The following KCNN1 variants were observed in gnomAD, a reference collection of about 807,000 sequenced individuals.
The protein encoded by KCNN1 is potassium calcium-activated channel subfamily N member 1.
A neutral mutation model predicts 44.7 loss-of-function variants in KCNN1; 20 were observed. That is an observed-to-expected ratio of 0.45 (90% CI 0.32 to 0.65). The LOEUF (loss-of-function observed/expected upper bound fraction) is 0.65, where lower values mean the gene tolerates loss of function less well. KCNN1 is among the 30% of genes least tolerant of loss of function. The pLI, the probability that KCNN1 is intolerant of heterozygous loss-of-function variation, is 0.05. For missense variants in KCNN1, 632 were observed against 785.3 expected, an observed-to-expected ratio of 0.80 and a Z score of 2.33; for synonymous variants, 324 against 341.7, an observed-to-expected ratio of 0.95 and a Z score of 0.57.
rs1340801659 is a variant in KCNN1, at chr19:17,981,696, C to G, written c.499-13C>G. Reference sequence around the variant, plus strand: ...TCTGACACCCATGGCTGGTTCCCTCCCGCCCTCCACAGCTGTTCATGGTGG... The same window carrying G: ...TCTGACACCCATGGCTGGTTCCCTCGCGCCCTCCACAGCTGTTCATGGTGG... On this transcript the variant is annotated splice_polypyrimidine_tract_variant and intron_variant, in intron 3 of 9. Transcript: ENST00000684775. 6 of 1,558,870 alleles carry G rather than the reference C, an allele frequency of 3.8e-6. No individual in the cohort carries two copies. The highest frequency in any genetic ancestry group is 5.2e-6 in the Non-Finnish European group (6 of 1,145,554).
At chr19:17,986,471 G>A (rs1203837032) in intron 5 of KCNN1, among the ~76,000 whole-genome samples, 1 of 152,150 alleles carries the variant, frequency 6.6e-6, no homozygotes, top group Admixed American at 6.5e-5. Context: ...GTGACAGTGG[G>A]CGCAGGCAGC....
intron 5 of KCNN1, among the ~76,000 whole-genome samples, 172 bp downstream of exon 5, chr19:17,985,625 C>T (rs147199067): frequency 7.2e-5 from 11 of 152,218 alleles, no homozygotes; most frequent in East Asian, 1.9e-4. Flanking sequence ...TTTCCTCTGA[C>T]GTCACGTGGA....
In KCNN1 at chr19:17,993,680, G is replaced by T; in HGVS notation, c.1377+121G>T. On this transcript the variant is annotated intron_variant, in intron 9 of 9. Transcript: ENST00000684775. The surrounding 1 kb of genome is among the most constrained non-coding windows in gnomAD (Gnocchi z 4.5). ...CCCGCTGTGGGCTGAGTGCAGTGGC[G>T]GGCGGATCGCTTGAGCTCAGGAGTT... is the stretch of plus-strand genomic sequence containing the variant. 1.3e-6 allele frequency: 1 copy of T among 770,282 alleles called. No individual in the cohort carries two copies. Among genetic ancestry groups the T allele is most frequent in the Non-Finnish European group, 2.3e-6 (1 of 439,250 alleles). 47.7% of individuals were successfully genotyped at this position (770,282 alleles called of 1,614,324 possible). A position where few individuals can be genotyped will look rare whatever the true frequency, so the allele number is the denominator to read the frequency against.
rs1040460673 is a variant in KCNN1 at position 17,983,761 on chromosome 19, T to C, written c.918-1551T>C. 1.3e-5 allele frequency among the ~76,000 whole-genome samples: 2 copies of C among 151,588 alleles called. No individual in the cohort carries two copies. Among genetic ancestry groups the C allele is most frequent in the African/African-American group, 4.8e-5 (2 of 41,254 alleles). On this transcript the variant is annotated intron_variant, in intron 4 of 9. Transcript: ENST00000684775. This position sits in a 1 kb window ranked among gnomAD's most constrained non-coding sequence, Gnocchi z 4.5. Reference sequence around the variant, plus strand: ...CGCGGCACCCCCCACCATCGCTCCGTCTGGATCTGGGGCTCACCCACCCAC... The same window carrying C: ...CGCGGCACCCCCCACCATCGCTCCGCCTGGATCTGGGGCTCACCCACCCAC...
In KCNN1 at chr19:17,978,806, A is replaced by G. The variant is rs546647976; in HGVS notation, c.499-2903A>G. On this transcript the variant is annotated intron_variant, in intron 3 of 9. Transcript: ENST00000684775. The stretch of plus-strand genomic sequence containing the variant: ...ACAGTGACTCACGCCTGTAATCCCA[A>G]TACTTTGGAAGGCCGAGGCAGGAGG... 4.5e-4 allele frequency among the ~76,000 whole-genome samples: 68 copies of G among 150,650 alleles called. 2 individuals are homozygous for G. In the South Asian group the frequency reaches 0.014, roughly 31 times the overall value.
At chr19:17,996,766 G>A (rs894087719) in intron 9 of KCNN1, among the ~76,000 whole-genome samples, 4 of 152,168 alleles carry the variant, frequency 2.6e-5, no homozygotes, top group African/African-American at 9.7e-5. Flanking sequence ...TAGGAGGGGA[G>A]GCCCCCACAA....
intron 7 of KCNN1, among the ~76,000 whole-genome samples, chr19:17,990,437 T>C (rs1322379925): frequency 6.7e-6 from 1 of 150,356 alleles, no homozygotes; most frequent in East Asian, 2.0e-4. Flanking sequence ...TGAGCCATGA[T>C]TGCGCCACTG....
chr19:17,992,155 T>C (rs1199731220), intron 7 of KCNN1, among the ~76,000 whole-genome samples: 1 of 151,858 alleles, frequency 6.6e-6, no homozygotes, highest in East Asian at 1.9e-4. Context: ...ACCCCATCTC[T>C]ACTAAAAATA....
chr19:17,984,997 G>A (rs1392490507), intron 4 of KCNN1, among the ~76,000 whole-genome samples: 1 of 151,964 alleles, frequency 6.6e-6, no homozygotes, highest in Non-Finnish European at 1.5e-5. Flanking sequence ...ACCTCCTGCT[G>A]CTTCTGGTGC....
chr19:17,959,497 C>T (rs1235557954), intron 2 of KCNN1, among the ~76,000 whole-genome samples: 4 of 151,906 alleles, frequency 2.6e-5, no homozygotes, highest in African/African-American at 9.7e-5. Flanking sequence ...ACCTCATGAT[C>T]CACCCACCTC....
At chr19:17,986,266 G>T (rs1405551757) in intron 5 of KCNN1, among the ~76,000 whole-genome samples, 1 of 152,030 alleles carries the variant, frequency 6.6e-6, no homozygotes, top group East Asian at 1.9e-4. Flanking sequence ...GGGAGGCTGA[G>T]GCATGAGAAT....
chr19:17,986,118 T>TA (rs989882023), intron 5 of KCNN1, among the ~76,000 whole-genome samples: 12 of 151,774 alleles, frequency 7.9e-5, no homozygotes, highest in African/African-American at 2.7e-4. Context: ...GTAATCCCAG[T>TA]ACTTTGGGAG....
At chr19:17,965,358 C>T (rs2031775075), upstream of KCNN1, among the ~76,000 whole-genome samples, 2 of 151,964 alleles carry the variant, frequency 1.3e-5, no homozygotes, top group South Asian at 4.1e-4. Flanking sequence ...TGGTATGCTT[C>T]TCGTGGCTCA....
At chr19:17,956,065 G>A (rs186322958) in intron 2 of KCNN1, among the ~76,000 whole-genome samples, 2 of 152,254 alleles carry the variant, frequency 1.3e-5, no homozygotes, top group Non-Finnish European at 2.9e-5. Context: ...AGCCTCCCAA[G>A]TAGCTGGGAT....
intron 1 of KCNN1, among the ~76,000 whole-genome samples, chr19:17,967,720 C>T (rs1475334891): frequency 6.6e-6 from 1 of 151,968 alleles, no homozygotes; most frequent in Non-Finnish European, 1.5e-5. Context: ...AGGGAGGGGT[C>T]AGGAAACCGG....
chr19:17,982,281 T>C (rs899432100), intron 4 of KCNN1, among the ~76,000 whole-genome samples, 154 bp downstream of exon 4: 5 of 151,894 alleles, frequency 3.3e-5, no homozygotes, highest in Admixed American at 1.3e-4. Flanking sequence ...GCCTCCTGTC[T>C]TCCAGTTTGT....
chr19:17,955,509 C>T (rs1296258133), intron 2 of KCNN1, among the ~76,000 whole-genome samples: 5 of 139,828 alleles, frequency 3.6e-5, no homozygotes, highest in Admixed American at 7.6e-5. Flanking sequence ...TGCAGTGAGC[C>T]GAGATTGTGC....
intron 2 of KCNN1, among the ~76,000 whole-genome samples, chr19:17,961,198 A>G (rs1222914431): frequency 7.5e-6 from 1 of 133,374 alleles, no homozygotes; most frequent in African/African-American, 2.8e-5. Flanking sequence ...AAAAAAAAAA[A>G]AAAAAAAACC....
chr19:17,978,839 G>C (rs1351478927), intron 3 of KCNN1, among the ~76,000 whole-genome samples: 1 of 151,074 alleles, frequency 6.6e-6, no homozygotes, highest in Non-Finnish European at 1.5e-5. Context: ...AGGATCACTC[G>C]AGCACAGGAG....
Sources: gnomAD v4.1 joint callset for allele counts (sites outside exome capture counted in the v4.1 genomes callset) on GRCh38, gnomAD v4.1.1 for gene constraint, Gnocchi (gnomAD v3.1) non-coding constraint, MANE v1.5 for transcripts, NCBI Gene and HGNC (gene_info 2026-07-23, HGNC 2026-07-21) for gene names.